Variants in ANK3 observed in about 807,000 individuals in gnomAD.
ANK3 encodes the protein ankyrin-3.
In ANK3, 57 loss-of-function variants were observed where a neutral mutation model predicts 370.9. The ratio of observed to expected loss-of-function variants is 0.15; its 90% confidence interval spans 0.12 to 0.19. ANK3 has a LOEUF of 0.19. ANK3 is among the 10% of genes least tolerant of loss of function. The pLI is 1.00. For missense variants in ANK3, 4,439 were observed against 5,302.1 expected (o/e 0.84, Z 5.06); for synonymous variants, 1,929 against 1,946.3 (o/e 0.99, Z 0.23).
In ANK3 at chr10:60,181,338, G is replaced by A; in HGVS notation, c.2175C>T (p.Ala725=). The A allele has an allele frequency of 6.2e-7, 1 of 1,614,044 alleles. No individual in the cohort carries two copies. The highest frequency in any genetic ancestry group is 8.5e-7 in the Non-Finnish European group (1 of 1,179,978). ...VLVNQGAHVD[A]QTKMGYTPLH... ...AGGGAGGGCCGTATACCTTTGTCTG[G>A]GCGTCCACATGAGCCCCTTGGTTTA... The change falls in exon 18 of 44, where the codon GCC becomes GCT. Residue 725 remains alanine (A), a synonymous_variant. Transcript: ENST00000280772.
Position 60,478,500 on chromosome 10 carries a change from G to C in ANK3, c.96+136686C>G, listed in dbSNP as rs546177702. Among the ~76,000 whole-genome samples the C allele has an allele frequency of 1.7e-4, 26 of 152,150 alleles. No individual in the cohort carries two copies. In the South Asian group the frequency reaches 5.0e-3, roughly 29 times the overall value. ...ACAGCAAATATTTAAAGACAATTGA[G>C]ATGAAATAAATGGTTATTCTTTCAA... On this transcript the variant is annotated intron_variant, in intron 2 of 43. Transcript: ENST00000373827.
intron 25 of ANK3, among the ~76,000 whole-genome samples, chr10:60,126,796 G>C (rs552546832): frequency 1.3e-5 from 2 of 152,156 alleles, no homozygotes; most frequent in South Asian, 4.1e-4. Context: ...TATTTCTAGA[G>C]AGAAAGCATA....
intron 23 of ANK3, among the ~76,000 whole-genome samples, chr10:60,157,886 A>AAG (rs59965251): frequency 0.23 from 30,339 of 132,254 alleles, 4,137 homozygotes; most frequent in Admixed American, 0.32. Context: ...GAGAGAGAAA[A>AAG]AGAGAGAGAG....
intron 5 of ANK3, among the ~76,000 whole-genome samples, chr10:60,268,318 C>A (rs1412449293): frequency 1.3e-5 from 2 of 152,204 alleles, no homozygotes; most frequent in Non-Finnish European, 2.9e-5. Flanking sequence ...AAATTCCCAA[C>A]AGTACTGATG....
intron 2 of ANK3, among the ~76,000 whole-genome samples, chr10:60,601,022 T>C (rs1014539304): frequency 6.6e-6 from 1 of 152,090 alleles, no homozygotes; most frequent in Admixed American, 6.6e-5. Flanking sequence ...AAGAAATATG[T>C]ATGAAGGGAG....
intron 23 of ANK3, among the ~76,000 whole-genome samples, chr10:60,154,973 G>T (rs1043178303): frequency 3.9e-5 from 6 of 152,020 alleles, no homozygotes; most frequent in East Asian, 1.9e-4. Context: ...ACAGAGGAAG[G>T]TTCTCTAAAT....
intron 2 of ANK3, chr10:60,572,413 T>A: frequency 1.3e-6 from 2 of 1,508,160 alleles, no homozygotes; most frequent in Non-Finnish European, 1.8e-6. Context: ...GATCACTTCC[T>A]CCCCAGAGCC....
intron 2 of ANK3, among the ~76,000 whole-genome samples, chr10:60,603,526 A>G (rs562767020): frequency 1.3e-5 from 2 of 152,310 alleles, no homozygotes; most frequent in East Asian, 1.9e-4. Context: ...ATCAGTTTCA[A>G]TGTTCTGTTT....
At chr10:60,535,789 A>G (rs1363985650) in intron 2 of ANK3, among the ~76,000 whole-genome samples, 1 of 152,072 alleles carries the variant, frequency 6.6e-6, no homozygotes, top group African/African-American at 2.4e-5. Context: ...AGAGATAAAA[A>G]GTAGATCTAT....
chr10:60,305,022 G>C (rs2044683951), intron 1 of ANK3, among the ~76,000 whole-genome samples: 1 of 152,216 alleles, frequency 6.6e-6, no homozygotes, highest in Admixed American at 6.5e-5. Flanking sequence ...CCTGTGGCAG[G>C]CACAGTGGGT....
At chr10:60,296,208 A>C (rs2042473604) in intron 1 of ANK3, among the ~76,000 whole-genome samples, 1 of 152,238 alleles carries the variant, frequency 6.6e-6, no homozygotes, top group Non-Finnish European at 1.5e-5. Flanking sequence ...CTATGTCCAC[A>C]CAGTCGAAAT....
At chr10:60,504,838 C>A (rs1398567218) in intron 2 of ANK3, among the ~76,000 whole-genome samples, 4 of 151,964 alleles carry the variant, frequency 2.6e-5, no homozygotes, top group African/African-American at 9.7e-5. Context: ...AAATTTAAGT[C>A]TTGAGAGATA....
Position 60,562,170 on chromosome 10 carries a change from T to G in ANK3, c.96+53016A>C, listed in dbSNP as rs142339300. Among the ~76,000 whole-genome samples the G allele has an allele frequency of 2.4e-3, 370 of 152,308 alleles. 4 individuals are homozygous for G. Among genetic ancestry groups the G allele is most frequent in the African/African-American group, 8.1e-3 (335 of 41,564 alleles). On this transcript the variant is annotated intron_variant, in intron 2 of 43. Transcript: ENST00000373827. ...CCCAACAAACATATCTCATGGAATA[T>G]ATAACTTAAAAGACTAGTGAGTTAG...
At chr10:60,191,256 G>C (rs1166246635) in intron 16 of ANK3, among the ~76,000 whole-genome samples, 1 of 151,994 alleles carries the variant, frequency 6.6e-6, no homozygotes, top group Admixed American at 6.6e-5. Context: ...AAACTAAAAA[G>C]CTTCTGCATA....
At chr10:60,051,486 A>G (rs2077980497) in intron 42 of ANK3, 1 of 985,254 alleles carries the variant, frequency 1.0e-6, no homozygotes, top group African/African-American at 1.7e-5. Flanking sequence ...TTTATAATCA[A>G]ACGCCGGCGA....
chr10:60,516,622 GA>G (rs926131530), intron 2 of ANK3, among the ~76,000 whole-genome samples: 21 of 151,144 alleles, frequency 1.4e-4, no homozygotes, highest in Admixed American at 5.3e-4. Context: ...GAAAATGGAG[GA>G]AAAAAAAATT....
chr10:60,435,823 G>A (rs2064140701), intron 2 of ANK3, among the ~76,000 whole-genome samples: 1 of 152,176 alleles, frequency 6.6e-6, no homozygotes, highest in African/African-American at 2.4e-5. Flanking sequence ...TCATCGGCCG[G>A]GCGCGGTGGC....
Position 60,042,682 on chromosome 10 carries a change from C to T in ANK3, c.*9G>A, listed in dbSNP as rs373606776. The T allele has an allele frequency of 9.3e-6, 15 of 1,613,738 alleles. No homozygotes were observed. The highest frequency in any genetic ancestry group is 6.7e-5 in the East Asian group (3 of 44,878). ...ATGAACACACCTCACCTTGACTGACCGTTCGCTGTTACGAGTGGCTCTTCT... is the reference window on the plus strand; with the variant it reads ...ATGAACACACCTCACCTTGACTGACTGTTCGCTGTTACGAGTGGCTCTTCT... On this transcript the variant is annotated 3_prime_UTR_variant, in exon 43 of 44. Coordinates refer to ENST00000280772, the MANE Select transcript of ANK3 (RefSeq NM_020987.5).
At chr10:60,316,357 G>A (rs941180258) in intron 1 of ANK3, among the ~76,000 whole-genome samples, 4 of 152,146 alleles carry the variant, frequency 2.6e-5, no homozygotes, top group African/African-American at 9.7e-5. Context: ...TATGTTAAAA[G>A]TCAGGTTAGG....
Sources: gnomAD v4.1 joint callset for allele counts (sites outside exome capture counted in the v4.1 genomes callset) on GRCh38, gnomAD v4.1.1 for gene constraint, MANE v1.5 for transcripts, NCBI Gene and HGNC (gene_info 2026-07-23, HGNC 2026-07-21) for gene names.